Variants in HYAL4 observed in about 807,000 individuals in gnomAD.
HYAL4 encodes hyaluronidase 4, also known as hyaluronidase-4.
HYAL4 carries 37 observed loss-of-function variants against 35.2 expected under a neutral mutation model. The observed-to-expected ratio is 1.05, with a 90% CI of 0.81 to 1.38. HYAL4 has a LOEUF of 1.38. Ranked by LOEUF, HYAL4 falls within the 40% of genes most tolerant of loss-of-function variation. HYAL4 has a pLI of 0.00. For missense variants in HYAL4, 572 were observed against 572.4 expected (o/e 1.00, Z 0.01); for synonymous variants, 198 against 203.2 (o/e 0.97, Z 0.22).
At chr7:123,809,384 T>C in the HYAL4 span, among the ~76,000 whole-genome samples, 540 of 151,358 alleles carry the variant, frequency 3.6e-3, 4 homozygotes, top group African/African-American at 0.012. Context: ...CTTTCTTTTT[T>C]TTCTTCTTCT....
rs745430692 is a variant in HYAL4 at position 123,868,502 on chromosome 7, AGCCCACTGGCCAAG to A, written c.233_246del (p.Pro78GlnfsTer27). The A allele has an allele frequency of 3.9e-5, 62 of 1,605,336 alleles. No individual in the cohort carries two copies. The highest frequency in any genetic ancestry group is 4.8e-5 in the Non-Finnish European group (57 of 1,177,880). On this transcript the variant is annotated frameshift_variant, in exon 3 of 5. Coordinates refer to ENST00000223026, the MANE Select transcript of HYAL4 (RefSeq NM_012269.3). LOFTEE classifies it high-confidence loss of function. ...TTTGAAAATGTTTCCTGTGATTGGA[AGCCCACTGGCCAAG>A]GCCAGGGGGCAAAATGTCACTATAT... is the stretch of plus-strand genomic sequence containing the variant.
In HYAL4 at chr7:123,877,338, G is replaced by A. The variant is rs551538344; in HGVS notation, c.*183G>A. The stretch of plus-strand genomic sequence containing the variant: ...TGCCTCCAGTCTGGCTAGGAAACCA[G>A]ATCTGGGGTAAAGTCAATGTACACT... On this transcript the variant is annotated 3_prime_UTR_variant, in exon 5 of 5. Transcript: ENST00000223026. The A allele has an allele frequency of 1.7e-6, 1 of 589,766 alleles. No individual in the cohort carries two copies. Among genetic ancestry groups the A allele is most frequent in the African/African-American group, 1.8e-5 (1 of 54,218 alleles). The allele number at this position is 589,766 out of a possible 1,614,324, so 36.5% of individuals were successfully genotyped here.
chr7:123,772,850 A>C, the HYAL4 span, among the ~76,000 whole-genome samples: 1 of 152,222 alleles, frequency 6.6e-6, no homozygotes, highest in South Asian at 2.1e-4. Context: ...AAAGCTGCAG[A>C]GGGCCATCCA....
chr7:123,839,292 C>T (rs1044207170), intron 1 of HYAL4, among the ~76,000 whole-genome samples: 1 of 152,148 alleles, frequency 6.6e-6, no homozygotes, highest in Admixed American at 6.5e-5. Flanking sequence ...TGGCTTCATC[C>T]ATGTCCCTGC....
rs1281506138 is a variant in HYAL4, at chr7:123,868,545, A to T, written c.272A>T (p.Tyr91Phe). The T allele has an allele frequency of 8.7e-6, 14 of 1,612,296 alleles. No homozygotes were observed. The highest frequency in any genetic ancestry group is 1.1e-5 in the South Asian group (1 of 90,292). ...KARGQNVTIF[Y>F]VNRLGYYPWY... ...AGGGGGCAAAATGTCACTATATTTT[A>T]TGTCAACAGATTGGGATACTATCCG... Residue 91 changes from tyrosine to phenylalanine, a missense_variant, in exon 3 of 5, where the codon TAT becomes TTT. Physicochemically the swap from Tyr to Phe is conservative, Grantham distance 22 (BLOSUM62 3). Transcript: ENST00000223026.
chr7:123,765,680 C>G, the HYAL4 span, among the ~76,000 whole-genome samples: 1 of 152,114 alleles, frequency 6.6e-6, no homozygotes, highest in African/African-American at 2.4e-5. Context: ...AAAGGAACAT[C>G]TGCTTTTGTA....
At chr7:123,769,349 G>T in the HYAL4 span, among the ~76,000 whole-genome samples, 1 of 152,178 alleles carries the variant, frequency 6.6e-6, no homozygotes, top group East Asian at 1.9e-4. Flanking sequence ...GCTGTGTATA[G>T]GAGTGTTTAT....
chr7:123,843,590 G>T (rs1344939201), upstream of HYAL4, among the ~76,000 whole-genome samples: 2 of 152,004 alleles, frequency 1.3e-5, no homozygotes, highest in Non-Finnish European at 2.9e-5. Flanking sequence ...CCCGAAGACT[G>T]TTTTCCAACT....
At chr7:123,837,175 C>T (rs2116911678) in intron 1 of HYAL4, among the ~76,000 whole-genome samples, 1 of 152,178 alleles carries the variant, frequency 6.6e-6, no homozygotes, top group East Asian at 1.9e-4. Context: ...ATTAGTTTTG[C>T]TGGATACAAA....
chr7:123,835,118 T>C (rs1314151604), intron 1 of HYAL4, among the ~76,000 whole-genome samples: 1 of 152,074 alleles, frequency 6.6e-6, no homozygotes, highest in African/African-American at 2.4e-5. Flanking sequence ...GGGAGGAATC[T>C]CTCTTTCTCT....
At chr7:123,870,926 C>T (rs1458163125) in intron 3 of HYAL4, among the ~76,000 whole-genome samples, 1 of 151,986 alleles carries the variant, frequency 6.6e-6, no homozygotes, top group Non-Finnish European at 1.5e-5. Flanking sequence ...TTGGAAGAAA[C>T]AATAAACTCT....
rs1445726737 is a variant in HYAL4, at chr7:123,868,375, T to A, written c.102T>A (p.Cys34Ter). ...LIFFILKSISCLKPARLPIYQ... is the reference protein window; with the variant it reads ...LIFFILKSIS The stretch of plus-strand genomic sequence containing the variant: ...TTTTTATTCTAAAGTCTATCTCTTG[T>A]CTAAAACCTGCTCGACTTCCAATTT... Residue 34 changes from cysteine to a stop codon, truncating the protein, a stop_gained, in exon 3 of 5, where the codon TGT (cysteine) becomes TGA (stop). Transcript: ENST00000223026. LOFTEE classifies it high-confidence loss of function. 6.2e-7 allele frequency: 1 copy of A among 1,612,636 alleles called. No individual in the cohort carries two copies. Among genetic ancestry groups the A allele is most frequent in the Admixed American group, 1.7e-5 (1 of 59,828 alleles).
At chr7:123,767,914 A>G in the HYAL4 span, among the ~76,000 whole-genome samples, 1 of 152,176 alleles carries the variant, frequency 6.6e-6, no homozygotes, top group Non-Finnish European at 1.5e-5. Flanking sequence ...AAAGCAGGAC[A>G]CCTGAGGACA....
At chr7:123,771,411 G>T in the HYAL4 span, among the ~76,000 whole-genome samples, 4 of 151,810 alleles carry the variant, frequency 2.6e-5, no homozygotes, top group African/African-American at 9.7e-5. Context: ...CTTTGTTGTG[G>T]GGCTGTCTGT....
At chr7:123,859,605 T>TG (rs1806535582) in intron 2 of HYAL4, among the ~76,000 whole-genome samples, 1 of 152,202 alleles carries the variant, frequency 6.6e-6, no homozygotes, top group South Asian at 2.1e-4. Flanking sequence ...GGGATGTTCT[T>TG]GTCAGATTGC....
At chr7:123,842,048 G>T (rs1215481340), upstream of HYAL4, among the ~76,000 whole-genome samples, 2 of 151,862 alleles carry the variant, frequency 1.3e-5, no homozygotes, top group African/African-American at 4.8e-5. Context: ...GCTTTTGAAT[G>T]TGTTTGCTCT....
At chr7:123,822,084 C>G in the HYAL4 span, among the ~76,000 whole-genome samples, 1 of 151,934 alleles carries the variant, frequency 6.6e-6, no homozygotes, top group African/African-American at 2.4e-5. Context: ...AATATGAAGC[C>G]TCCAGTTTTG....
chr7:123,805,010 T>C, the HYAL4 span, among the ~76,000 whole-genome samples: 1 of 152,198 alleles, frequency 6.6e-6, no homozygotes, highest in Non-Finnish European at 1.5e-5. Flanking sequence ...ACCTCTAGCC[T>C]TTCTTCCCCA....
At chr7:123,812,782 A>G in the HYAL4 span, among the ~76,000 whole-genome samples, 1 of 152,152 alleles carries the variant, frequency 6.6e-6, no homozygotes, top group African/African-American at 2.4e-5. Flanking sequence ...TTTTCCCTGA[A>G]CAACAAATAA....
Sources: allele counts gnomAD v4.1 joint callset (sites outside exome capture counted in the v4.1 genomes callset), GRCh38; gene constraint gnomAD v4.1.1; transcripts MANE v1.5; gene names NCBI Gene and HGNC (gene_info 2026-07-23, HGNC 2026-07-21).